ERC2: variants seen among roughly 807,000 people sequenced by gnomAD.
The protein encoded by ERC2 is ELKS/RAB6-interacting/CAST family member 2.
In ERC2, 42 loss-of-function variants were observed where a neutral mutation model predicts 114.8. The observed-to-expected ratio is 0.37, with a 90% CI of 0.29 to 0.47. The LOEUF (loss-of-function observed/expected upper bound fraction) is 0.47. Ranked by LOEUF, ERC2 falls within the 20% of genes least tolerant of loss-of-function variation. The pLI is 0.99. For synonymous variants in ERC2, 454 were observed against 425.5 expected (o/e 1.07, Z -0.82); for missense variants, 939 against 1,150.7 (o/e 0.82, Z 2.66).
intron 12 of ERC2, chr3:55,955,174 A>T (rs1399327062): frequency 1.7e-5 from 9 of 516,194 alleles, no homozygotes; most frequent in African/African-American, 1.7e-4. Flanking sequence ...CTATAAAAAC[A>T]GTGGTCATGA....
chr3:55,754,605 T>TAA (rs36051892), intron 14 of ERC2, among the ~76,000 whole-genome samples: 23,631 of 93,848 alleles, frequency 0.25, 2,236 homozygotes, highest in Middle Eastern at 0.37. Flanking sequence ...CATTCTTACA[T>TAA]AAAAAAAAAA....
At chr3:55,954,563 T>C (rs1426427193) in intron 12 of ERC2, among the ~76,000 whole-genome samples, 2 of 152,202 alleles carry the variant, frequency 1.3e-5, no homozygotes, top group Non-Finnish European at 2.9e-5. Context: ...TATGCATATT[T>C]GCAAAACAAG....
intron 11 of ERC2, among the ~76,000 whole-genome samples, chr3:55,987,131 A>G (rs2070700145): frequency 6.6e-6 from 1 of 152,196 alleles, no homozygotes; most frequent in Admixed American, 6.5e-5. Flanking sequence ...CACACGGGGA[A>G]AGTGTTGATT....
intron 2 of ERC2, among the ~76,000 whole-genome samples, chr3:56,322,445 G>A (rs558367373): frequency 1.3e-5 from 2 of 152,180 alleles, no homozygotes; most frequent in Non-Finnish European, 2.9e-5. Context: ...AGAACTCAGA[G>A]GTGAGGTTTA....
intron 5 of ERC2, among the ~76,000 whole-genome samples, chr3:56,148,193 G>A (rs764852835): frequency 1.3e-5 from 2 of 152,300 alleles, no homozygotes; most frequent in South Asian, 2.1e-4. Flanking sequence ...TAAAGAAACT[G>A]AGGCTTAGGG....
intron 3 of ERC2, among the ~76,000 whole-genome samples, chr3:56,235,223 A>G (rs570010432): frequency 9.2e-5 from 14 of 152,314 alleles, no homozygotes; most frequent in Non-Finnish European, 1.5e-4. Flanking sequence ...TACCTACTCA[A>G]TTCCAAGCTG....
At chr3:56,416,672 A>AC (rs1370774062) in intron 2 of ERC2, among the ~76,000 whole-genome samples, 5 of 151,426 alleles carry the variant, frequency 3.3e-5, no homozygotes, top group African/African-American at 1.2e-4. Flanking sequence ...AAAAAAAAAA[A>AC]AAAAAAAAAC....
At chr3:55,683,119 C>T (rs1370530980) in intron 17 of ERC2, among the ~76,000 whole-genome samples, 1 of 152,196 alleles carries the variant, frequency 6.6e-6, no homozygotes, top group Admixed American at 6.5e-5. Context: ...TGCAAAGCCT[C>T]ATAGAAGTAT....
At chr3:56,148,072 T>C (rs1205054568) in intron 5 of ERC2, among the ~76,000 whole-genome samples, 2 of 152,142 alleles carry the variant, frequency 1.3e-5, no homozygotes, top group Non-Finnish European at 2.9e-5. Context: ...ATGCCTGCCA[T>C]TCAATGGATA....
At chr3:55,534,615 G>C (rs72868690) in intron 17 of ERC2, among the ~76,000 whole-genome samples, 1,731 of 152,110 alleles carry the variant, frequency 0.011, 38 homozygotes, top group African/African-American at 0.04. Flanking sequence ...AGGATCAATC[G>C]AGCCTGGGAA....
At chr3:55,955,025 G>A (rs905186224) in intron 12 of ERC2, 3 of 409,944 alleles carry the variant, frequency 7.3e-6, no homozygotes, top group Admixed American at 2.6e-5. Flanking sequence ...AGGATATACT[G>A]TTACTCAAAA....
intron 14 of ERC2, among the ~76,000 whole-genome samples, chr3:55,885,995 CT>C (rs1260607255): frequency 1.3e-5 from 2 of 152,164 alleles, no homozygotes; most frequent in Non-Finnish European, 2.9e-5. Flanking sequence ...GTATACGCTC[CT>C]TTTATAAACA....
intron 3 of ERC2, among the ~76,000 whole-genome samples, chr3:56,288,352 A>G (rs1173553678): frequency 2.0e-5 from 3 of 152,152 alleles, no homozygotes; most frequent in Admixed American, 2.0e-4. Flanking sequence ...AGAGGAAGTA[A>G]TCAGAGCCTC....
chr3:56,240,314 C>T (rs2051241599), intron 3 of ERC2, among the ~76,000 whole-genome samples: 1 of 152,108 alleles, frequency 6.6e-6, no homozygotes, highest in African/African-American at 2.4e-5. Flanking sequence ...AAAAGTCATG[C>T]TTGATGGGAG....
At position 56,393,938 on chromosome 3, in the gene ERC2, T is replaced by C. The variant is rs114209657; in HGVS notation, c.657+40413A>G. On this transcript the variant is annotated intron_variant, in intron 2 of 17. Transcript: ENST00000288221. ...GTCTCCTACAAGGCCTGGGATAAGCTACAGCCAAAAAAAAAAAAGGAATTC... is the reference window on the plus strand; with the variant it reads ...GTCTCCTACAAGGCCTGGGATAAGCCACAGCCAAAAAAAAAAAAGGAATTC... Among the ~76,000 whole-genome samples, 1,201 of 151,148 alleles carry C rather than the reference T, an allele frequency of 7.9e-3. 18 individuals are homozygous for C. Among genetic ancestry groups the C allele is most frequent in the African/African-American group, 0.027 (1,109 of 41,234 alleles).
intron 14 of ERC2, among the ~76,000 whole-genome samples, chr3:55,860,151 T>C (rs551587987): frequency 6.6e-6 from 1 of 152,298 alleles, no homozygotes; most frequent in East Asian, 1.9e-4. Flanking sequence ...AGTGATGTTA[T>C]AACCTTGTTA....
intron 2 of ERC2, among the ~76,000 whole-genome samples, chr3:56,409,527 A>AC (rs970049184): frequency 7.2e-5 from 11 of 152,080 alleles, no homozygotes; most frequent in African/African-American, 2.4e-4. Flanking sequence ...GAAAAAAAAA[A>AC]AAAAAAAACC....
intron 12 of ERC2, among the ~76,000 whole-genome samples, chr3:55,961,779 A>G (rs2068388304): frequency 6.6e-6 from 1 of 151,394 alleles, no homozygotes; most frequent in Non-Finnish European, 1.5e-5. Flanking sequence ...GTTTTCAGAA[A>G]GGCACTTTCT....
At chr3:56,418,282 C>T (rs914324772) in intron 2 of ERC2, among the ~76,000 whole-genome samples, 14 of 131,802 alleles carry the variant, frequency 1.1e-4, no homozygotes, top group South Asian at 7.6e-4. Flanking sequence ...GGTGATGGAG[C>T]GAGATCCTGT....
Sources: allele counts gnomAD v4.1 joint callset (sites outside exome capture counted in the v4.1 genomes callset), GRCh38; gene constraint gnomAD v4.1.1; transcripts MANE v1.5; gene names NCBI Gene and HGNC (gene_info 2026-07-23, HGNC 2026-07-21).